Variants in MBD5 observed in about 807,000 individuals in gnomAD.
MBD5 encodes the protein methyl-CpG-binding domain protein 5.
Under a neutral mutation model 117.3 loss-of-function variants are expected in MBD5, and 13 were observed. The observed-to-expected ratio is 0.11, with a 90% CI of 0.07 to 0.18. The LOEUF is 0.18. MBD5 is among the 10% of genes least tolerant of loss of function. MBD5 has a pLI of 1.00. For synonymous variants in MBD5, 727 were observed against 766.4 expected, an observed-to-expected ratio of 0.95 and a Z score of 0.85; for missense variants, 1,879 against 2,093.8, an observed-to-expected ratio of 0.90 and a Z score of 2.00.
chr2:148,108,235 T>G (rs16828247), intron 1 of MBD5, among the ~76,000 whole-genome samples: 1,877 of 152,296 alleles, frequency 0.012, 45 homozygotes, highest in African/African-American at 0.043. Flanking sequence ...TAATACAAAT[T>G]AATACTAATC....
intron 1 of MBD5, among the ~76,000 whole-genome samples, chr2:148,039,491 A>G (rs1035340882): frequency 2.0e-5 from 3 of 152,174 alleles, no homozygotes; most frequent in Non-Finnish European, 2.9e-5. Context: ...ACCCTGGGCT[A>G]AAAGAGACAC....
intron 4 of MBD5, among the ~76,000 whole-genome samples, chr2:148,432,178 C>A (rs1394485497): frequency 6.6e-6 from 1 of 151,970 alleles, no homozygotes; most frequent in Non-Finnish European, 1.5e-5. Flanking sequence ...TCTTCTTCTG[C>A]AAAATGTCTC....
intron 2 of MBD5, among the ~76,000 whole-genome samples, chr2:148,227,577 G>A (rs1001277238): frequency 1.3e-5 from 2 of 152,186 alleles, no homozygotes; most frequent in Non-Finnish European, 2.9e-5. Flanking sequence ...TTTTGGCTTA[G>A]GATTGACTTG....
intron 1 of MBD5, among the ~76,000 whole-genome samples, chr2:148,174,118 G>C (rs1207661732): frequency 1.3e-5 from 2 of 152,114 alleles, no homozygotes; most frequent in Non-Finnish European, 2.9e-5. Context: ...CATCCCCAGT[G>C]GACTGGAATA....
chr2:148,184,057 T>C (rs371529873), intron 2 of MBD5, among the ~76,000 whole-genome samples: 2 of 151,014 alleles, frequency 1.3e-5, no homozygotes, highest in African/African-American at 2.4e-5. Context: ...TCTGACTCTG[T>C]CACCTGGGCT....
chr2:148,278,518 A>G (rs537001787), intron 3 of MBD5, among the ~76,000 whole-genome samples: 1 of 152,234 alleles, frequency 6.6e-6, no homozygotes, highest in East Asian at 1.9e-4. Context: ...GGTAATTTGT[A>G]TGTTTTTAAG....
intron 1 of MBD5, among the ~76,000 whole-genome samples, chr2:148,115,247 G>A (rs527489074): frequency 1.4e-4 from 22 of 152,066 alleles, no homozygotes; most frequent in Admixed American, 1.4e-3. Context: ...ACATCTGTGT[G>A]CTTTATTATT....
intron 4 of MBD5, among the ~76,000 whole-genome samples, chr2:148,392,784 A>T (rs1180583332): frequency 6.6e-6 from 1 of 152,146 alleles, no homozygotes; most frequent in Non-Finnish European, 1.5e-5. Flanking sequence ...TGCCTTCATC[A>T]GGCCTGGGGT....
At chr2:148,044,134 A>G (rs1694451775) in intron 1 of MBD5, among the ~76,000 whole-genome samples, 1 of 152,234 alleles carries the variant, frequency 6.6e-6, no homozygotes, top group African/African-American at 2.4e-5. Context: ...GGTGTTATGT[A>G]AATCAATGCT....
Position 148,257,788 on chromosome 2 carries a change from G to A in MBD5, c.-680+24393G>A, listed in dbSNP as rs114462203. On this transcript the variant is annotated intron_variant, in intron 3 of 13. Coordinates refer to ENST00000642680, the MANE Select transcript of MBD5 (RefSeq NM_001378120.1). ...TCATTGTTGCCTGTCCCATGTGAAG[G>A]CGAACTGTTCCTGGCTCTCTGGAGT... 5.3e-3 allele frequency among the ~76,000 whole-genome samples: 813 copies of A among 152,282 alleles called. 7 individuals are homozygous for A. The highest frequency in any genetic ancestry group is 0.019 in the African/African-American group (779 of 41,562).
At chr2:148,363,228 G>A (rs947807999) in intron 4 of MBD5, among the ~76,000 whole-genome samples, 1 of 151,612 alleles carries the variant, frequency 6.6e-6, no homozygotes, top group Non-Finnish European at 1.5e-5. Flanking sequence ...ATGAAAGGAA[G>A]CTAAGAACCT....
intron 1 of MBD5, among the ~76,000 whole-genome samples, chr2:148,087,605 G>A (rs371114515): frequency 2.2e-4 from 33 of 152,066 alleles, no homozygotes; most frequent in African/African-American, 6.8e-4. Flanking sequence ...GGCTAGACCC[G>A]GAAGAGTGAT....
chr2:148,490,612 C>G lies in MBD5; in HGVS notation c.4962+18C>G. On this transcript the variant is annotated intron_variant, in intron 11 of 13. Transcript: ENST00000642680. Reference sequence around the variant, plus strand: ...AAGGGAAGGTATACCAATCTTTATCCATTGTCAAATACTAACCTTTGTTCA... The same window carrying G: ...AAGGGAAGGTATACCAATCTTTATCGATTGTCAAATACTAACCTTTGTTCA... The G allele has an allele frequency of 3.1e-6, 5 of 1,613,752 alleles. No homozygotes were observed. The highest frequency in any genetic ancestry group is 4.2e-6 in the Non-Finnish European group (5 of 1,179,820).
chr2:148,383,723 C>A (rs1704238070), intron 4 of MBD5, among the ~76,000 whole-genome samples: 1 of 152,052 alleles, frequency 6.6e-6, no homozygotes, highest in Admixed American at 6.5e-5. Context: ...AAAATACTGG[C>A]AAACTGAATC....
intron 4 of MBD5, among the ~76,000 whole-genome samples, chr2:148,366,146 T>C (rs1703689525): frequency 6.6e-6 from 1 of 152,152 alleles, no homozygotes; most frequent in Non-Finnish European, 1.5e-5. Flanking sequence ...GTCGACTTCA[T>C]ACCTGGGATG....
rs768223778 is a variant in MBD5, at chr2:148,485,968, G to A, written c.3753+18G>A. On this transcript the variant is annotated intron_variant, in intron 10 of 13. Coordinates refer to ENST00000642680, the MANE Select transcript of MBD5 (RefSeq NM_001378120.1). ...ACTTTCAGGTACTCTCCTCTGCTGT[G>A]TCATTTTAGAAGAAAACAATGTCTG... The A allele has an allele frequency of 3.7e-6, 6 of 1,608,476 alleles. No individual in the cohort carries two copies. Among genetic ancestry groups the A allele is most frequent in the Non-Finnish European group, 5.1e-6 (6 of 1,174,872 alleles).
intron 3 of MBD5, among the ~76,000 whole-genome samples, chr2:148,322,188 G>A (rs952317029): frequency 1.6e-4 from 25 of 152,178 alleles, no homozygotes; most frequent in African/African-American, 5.8e-4. Flanking sequence ...ATACAACACT[G>A]ATGGTAATCG....
At chr2:148,129,488 T>C (rs911370576) in intron 1 of MBD5, among the ~76,000 whole-genome samples, 9 of 152,016 alleles carry the variant, frequency 5.9e-5, no homozygotes, top group Admixed American at 5.2e-4. Flanking sequence ...AGAGTGAGAC[T>C]CCTTATCAAA....
At chr2:148,376,345 G>C (rs1379979775) in intron 4 of MBD5, among the ~76,000 whole-genome samples, 2 of 146,562 alleles carry the variant, frequency 1.4e-5, no homozygotes, top group Admixed American at 6.9e-5. Flanking sequence ...TCGGCTCACT[G>C]CAAGTTCCGC....
Sources: allele counts gnomAD v4.1 joint callset (sites outside exome capture counted in the v4.1 genomes callset), GRCh38; gene constraint gnomAD v4.1.1; transcripts MANE v1.5; gene names NCBI Gene and HGNC (gene_info 2026-07-23, HGNC 2026-07-21).